The following TNRC6B variants were observed in gnomAD, a reference collection of about 807,000 sequenced individuals.
TNRC6B encodes trinucleotide repeat-containing gene 6B protein.
TNRC6B carries 52 observed loss-of-function variants against 203.6 expected under a neutral mutation model. The observed-to-expected ratio is 0.26, with a 90% CI of 0.20 to 0.32. The LOEUF (loss-of-function observed/expected upper bound fraction) is 0.32, where lower values mean the gene tolerates loss of function less well. TNRC6B is among the 10% of genes least tolerant of loss of function. TNRC6B has a pLI of 1.00. For synonymous variants in TNRC6B, 838 were observed against 845.7 expected, an observed-to-expected ratio of 0.99 and a Z score of 0.16; for missense variants, 1,923 against 2,286.2, an observed-to-expected ratio of 0.84 and a Z score of 3.24.
At chr22:40,315,530 A>T (rs1337074990) in intron 20 of TNRC6B, 23 bp downstream of exon 20, 1 of 1,610,104 alleles carries the variant, frequency 6.2e-7, no homozygotes, top group South Asian at 1.1e-5. Flanking sequence ...TGCCTAAAGG[A>T]ACACCATTGT....
intron 1 of TNRC6B, among the ~76,000 whole-genome samples, chr22:40,233,973 A>G (rs1425676330): frequency 6.6e-6 from 1 of 152,180 alleles, no homozygotes; most frequent in Non-Finnish European, 1.5e-5. Flanking sequence ...AGGCTACGCT[A>G]CACGAGTTGT....
chr22:40,294,258 ATCAATCAG>A (rs940848662), intron 12 of TNRC6B, among the ~76,000 whole-genome samples: 12 of 152,076 alleles, frequency 7.9e-5, no homozygotes, highest in East Asian at 1.9e-4. Context: ...GTCTCAAAAA[ATCAATCAG>A]TCAATCAGTC....
At chr22:40,180,645 G>A (rs925471570) in intron 1 of TNRC6B, among the ~76,000 whole-genome samples, 1 of 152,292 alleles carries the variant, frequency 6.6e-6, no homozygotes, top group East Asian at 1.9e-4. Context: ...AGAAGGAAAT[G>A]AAAATGAGTA....
intron 1 of TNRC6B, among the ~76,000 whole-genome samples, chr22:40,207,307 C>G (rs1462897087): frequency 2.0e-5 from 3 of 151,442 alleles, no homozygotes; most frequent in Non-Finnish European, 4.4e-5. Flanking sequence ...CTTTGGGAGG[C>G]TGAGGCAGGA....
chr22:40,109,073 G>T (rs2068311265), intron 1 of TNRC6B, among the ~76,000 whole-genome samples: 2 of 152,118 alleles, frequency 1.3e-5, no homozygotes, highest in South Asian at 4.1e-4. Context: ...TGAGGATAAT[G>T]GCTTCCAGCT....
At chr22:40,133,999 A>C (rs914024200) in intron 3 of TNRC6B, among the ~76,000 whole-genome samples, 1 of 129,898 alleles carries the variant, frequency 7.7e-6, no homozygotes, top group Non-Finnish European at 1.6e-5. Context: ...AAAAAAAAAC[A>C]GGTAATATGC....
In TNRC6B at chr22:40,107,091, G is replaced by T. The variant is rs987850560; in HGVS notation, c.-120-9964G>T. ...GGTTCCAGCCGGAAAAAGAGGGAGG[G>T]TATCTTTTGATGAACAAATACTCTT... On this transcript the variant is annotated intron_variant, in intron 1 of 23. Transcript: ENST00000301923. 7.4e-5 allele frequency: 51 copies of T among 693,612 alleles called. No homozygotes were observed. The African/African-American group carries it at 8.7e-4, about 12-fold the overall frequency. 43.0% of individuals were successfully genotyped at this position (693,612 alleles called of 1,614,324 possible). A position where few individuals can be genotyped will look rare whatever the true frequency, so the allele number is the denominator to read the frequency against.
chr22:40,266,991 C>G lies in TNRC6B; in HGVS notation c.2761C>G (p.Arg921Gly), dbSNP rs766737488. ...GAATTCCCAAGGGGGCCCAGCACCTCGAGAACCAAACCTGCCCACCCCAAT... is the reference window on the plus strand; with the variant it reads ...GAATTCCCAAGGGGGCCCAGCACCTGGAGAACCAAACCTGCCCACCCCAAT... ...DKNSQGGPAP[R>G]EPNLPTPMTS... The change falls in exon 5 of 23, where the codon CGA becomes GGA. Residue 921 changes from arginine to glycine, a missense_variant. Coordinates refer to ENST00000454349, the MANE Select transcript of TNRC6B (RefSeq NM_001162501.2). 6.2e-7 allele frequency: 1 copy of G among 1,610,998 alleles called. No individual in the cohort carries two copies. The highest frequency in any genetic ancestry group is 1.1e-5 in the South Asian group (1 of 90,562).
chr22:40,102,735 A>G (rs1380083321), intron 1 of TNRC6B, among the ~76,000 whole-genome samples: 2 of 151,986 alleles, frequency 1.3e-5, no homozygotes, highest in African/African-American at 4.8e-5. Flanking sequence ...GCCAGGAGTT[A>G]AGAGACCAGC....
At chr22:40,143,718 G>A (rs566745583) in intron 3 of TNRC6B, among the ~76,000 whole-genome samples, 32 of 152,222 alleles carry the variant, frequency 2.1e-4, no homozygotes, top group Admixed American at 3.3e-4. Context: ...GGATGGTCTC[G>A]ATCTCCTGAC....
chr22:40,300,890 C>G lies in TNRC6B; in HGVS notation c.3841-20C>G. ...ATCTCAGGAAACTTTGGTTTTCTGT[C>G]TTTCCCCCTTGTTTTGTAGGCATGT... is the stretch of plus-strand genomic sequence containing the variant. On this transcript the variant is annotated intron_variant, in intron 13 of 22. Transcript: ENST00000454349. The G allele has an allele frequency of 6.2e-7, 1 of 1,610,102 alleles. No individual in the cohort carries two copies. The highest frequency in any genetic ancestry group is 8.5e-7 in the Non-Finnish European group (1 of 1,178,162).
chr22:40,186,084 C>T (rs1295199005), intron 1 of TNRC6B, among the ~76,000 whole-genome samples: 1 of 151,550 alleles, frequency 6.6e-6, no homozygotes, highest in Non-Finnish European at 1.5e-5. Context: ...AAGTGATAGT[C>T]GAAGGTAAGG....
At chr22:40,066,861 A>G (rs991447451) in intron 1 of TNRC6B, among the ~76,000 whole-genome samples, 39 of 144,982 alleles carry the variant, frequency 2.7e-4, no homozygotes, top group Non-Finnish European at 6.1e-5. Flanking sequence ...TCCTTACTAC[A>G]TTGCACTCTT....
At position 40,323,241 on chromosome 22, in the gene TNRC6B, A is replaced by T; in HGVS notation, c.5502A>T (p.Ter1834CysextTer2). The T allele has an allele frequency of 6.2e-7, 1 of 1,608,214 alleles. No homozygotes were observed. Among genetic ancestry groups the T allele is most frequent in the Non-Finnish European group, 8.5e-7 (1 of 1,179,136 alleles). The stretch of plus-strand genomic sequence containing the variant: ...TGGGAGGAGGGTCGGATTCAATCTG[A>T]ACTTAGAACTTTCAACTCTGACCTC... The part of the protein sequence containing the change: ...DLLGGGSDSI[*>C] Residue 1834 changes from the stop codon to cysteine (C), a stop_lost, in exon 23 of 23, where the codon TGA becomes TGT. Coordinates refer to ENST00000454349, the MANE Select transcript of TNRC6B (RefSeq NM_001162501.2).
chr22:40,273,925 G>A (rs2070601133), intron 7 of TNRC6B, among the ~76,000 whole-genome samples: 1 of 152,168 alleles, frequency 6.6e-6, no homozygotes, highest in African/African-American at 2.4e-5. Flanking sequence ...GGGATTACAG[G>A]TGGGAGCTAC....
Position 40,265,487 on chromosome 22 carries a change from T to TGGG in TNRC6B, c.1258_1260dup (p.Gly420dup). The TGGG allele has an allele frequency of 6.2e-7, 1 of 1,613,870 alleles. No individual in the cohort carries two copies. The highest frequency in any genetic ancestry group is 8.5e-7 in the Non-Finnish European group (1 of 1,179,850). ...CACAAAGCACTGGAGATCGAAAGAC[T>TGGG]GGGAGTGTTGGATCTTGGGGTGCAG... On this transcript the variant is annotated inframe_insertion, in exon 5 of 23. Coordinates refer to ENST00000454349, the MANE Select transcript of TNRC6B (RefSeq NM_001162501.2).
chr22:40,108,098 G>C (rs1382333923), intron 1 of TNRC6B, among the ~76,000 whole-genome samples: 1 of 152,126 alleles, frequency 6.6e-6, no homozygotes, highest in Non-Finnish European at 1.5e-5. Flanking sequence ...GACTGCAGCA[G>C]GGAGATGATT....
intron 13 of TNRC6B, 28 bp downstream of exon 13, chr22:40,300,614 T>TA: frequency 6.3e-7 from 1 of 1,583,004 alleles, no homozygotes; most frequent in Non-Finnish European, 8.5e-7. Context: ...TTCCTGTGGC[T>TA]AAAAAGGTCA....
At position 40,323,464 on chromosome 22, in the gene TNRC6B, A is replaced by G. The variant is rs2071365223; in HGVS notation, c.*223A>G. The G allele has an allele frequency of 4.2e-6, 2 of 480,874 alleles. No homozygotes were observed. The highest frequency in any genetic ancestry group is 2.0e-5 in the African/African-American group (1 of 49,900). 29.8% of individuals were successfully genotyped at this position (480,874 alleles called of 1,614,324 possible). A position where few individuals can be genotyped will look rare whatever the true frequency, so the allele number is the denominator to read the frequency against. On this transcript the variant is annotated 3_prime_UTR_variant, in exon 23 of 23. Transcript: ENST00000454349. Reference sequence around the variant, plus strand: ...TGGAATATGAATCCAAAAAGAGAACATATCACTCTTGAAATACTTGAATCA... The same window carrying G: ...TGGAATATGAATCCAAAAAGAGAACGTATCACTCTTGAAATACTTGAATCA...
Sources: allele counts gnomAD v4.1 joint callset (sites outside exome capture counted in the v4.1 genomes callset), GRCh38; gene constraint gnomAD v4.1.1; transcripts MANE v1.5; gene names NCBI Gene and HGNC (gene_info 2026-07-23, HGNC 2026-07-21).